RP2: variants seen among roughly 807,000 people sequenced by gnomAD.
The protein encoded by RP2 is protein XRP2.
RP2 carries 3 observed loss-of-function variants against 20.3 expected under a neutral mutation model. The ratio of observed to expected loss-of-function variants is 0.15; its 90% CI spans 0.07 to 0.38. The LOEUF (loss-of-function observed/expected upper bound fraction) is 0.38. Among genes scored for constraint, RP2 ranks in the 10% least tolerant of loss-of-function variants. The pLI, the probability that RP2 is intolerant of heterozygous loss-of-function variation, is 1.00. For missense variants in RP2, 233 were observed against 268.5 expected, an observed-to-expected ratio of 0.87 and a Z score of 0.92; for synonymous variants, 75 against 94.8, an observed-to-expected ratio of 0.79 and a Z score of 1.22.
At chrX:46,872,080 T>A (rs782520388) in intron 3 of RP2, among the ~76,000 whole-genome samples, 2 of 111,979 alleles carry the variant, frequency 1.8e-5, no homozygotes, top group African/African-American at 6.5e-5. Context: ...GTAGCTGGGA[T>A]TACAGGCACA....
intron 1 of RP2, among the ~76,000 whole-genome samples, chrX:46,847,749 T>C (rs1924755882): frequency 1.1e-5 from 1 of 88,935 alleles, no homozygotes; most frequent in African/African-American, 4.5e-5. Context: ...CACATATGTG[T>C]GTGTGTATAT....
intron 2 of RP2, among the ~76,000 whole-genome samples, chrX:46,855,673 G>T (rs992627087): frequency 6.3e-5 from 7 of 110,249 alleles, no homozygotes; most frequent in Non-Finnish European, 1.1e-4. Flanking sequence ...TGCCATGTTG[G>T]TTAGGCTGGT....
intron 2 of RP2, among the ~76,000 whole-genome samples, chrX:46,857,124 T>G (rs782488601): frequency 9.1e-6 from 1 of 110,456 alleles, no homozygotes; most frequent in African/African-American, 3.3e-5. Context: ...ATTGTTTTAA[T>G]GCATTAAATA....
chrX:46,841,659 G>A (rs1924623993), intron 1 of RP2, among the ~76,000 whole-genome samples: 1 of 112,291 alleles, frequency 8.9e-6, no homozygotes, highest in Admixed American at 9.4e-5. Flanking sequence ...GAATTCTTAA[G>A]TCACTTAATT....
In RP2 at chrX:46,877,434, A is replaced by C; in HGVS notation, c.884-71A>C. 3.9e-6 allele frequency: 3 copies of C among 763,018 alleles called. No individual in the cohort carries two copies. In the South Asian group the frequency reaches 6.5e-5, roughly 17 times the overall value. The allele number at this position is 763,018 out of a possible 1,213,427, so 62.9% of individuals were successfully genotyped here. On this transcript the variant is annotated intron_variant, in intron 3 of 4. Transcript: ENST00000218340. ...GAAGATGCTGGAGATTCTTCAGGGAAGAATAAAAAGATTAAATTTAGAATA... is the reference window on the plus strand; with the variant it reads ...GAAGATGCTGGAGATTCTTCAGGGACGAATAAAAAGATTAAATTTAGAATA...
At chrX:46,871,021 CTTTTTTTTTTT>C (rs58549261) in intron 3 of RP2, among the ~76,000 whole-genome samples, 1 of 77,377 alleles carries the variant, frequency 1.3e-5, no homozygotes, top group African/African-American at 5.9e-5. Flanking sequence ...ACGCTCATTC[CTTTTTTTTTTT>C]TTTTTTTTTT....
At chrX:46,857,367 C>G (rs1556319405) in intron 2 of RP2, among the ~76,000 whole-genome samples, 1 of 111,141 alleles carries the variant, frequency 9.0e-6, no homozygotes. Flanking sequence ...CAAGACCAGC[C>G]TGGCCAAGAT....
At chrX:46,849,220 T>G (rs1924816287) in intron 1 of RP2, among the ~76,000 whole-genome samples, 1 of 108,799 alleles carries the variant, frequency 9.2e-6, no homozygotes, top group Non-Finnish European at 1.9e-5. Flanking sequence ...TGTCAGGGTC[T>G]TGCTTTGTCA....
chrX:46,837,898 T>G (rs1258442241), intron 1 of RP2, among the ~76,000 whole-genome samples: 3 of 112,263 alleles, frequency 2.7e-5, no homozygotes, highest in Non-Finnish European at 5.6e-5. Flanking sequence ...TTTAAATGAA[T>G]GAAAACGCCC....
At chrX:46,878,480 CAT>C (rs1925414344) in intron 4 of RP2, among the ~76,000 whole-genome samples, 1 of 110,655 alleles carries the variant, frequency 9.0e-6, no homozygotes, top group African/African-American at 3.3e-5. Flanking sequence ...TAAAACCAAA[CAT>C]AGAGGATTAC....
At position 46,882,190 on chromosome X, in the gene RP2, G is replaced by C. The variant is rs1925481786; in HGVS notation, c.*2421G>C. On this transcript the variant is annotated 3_prime_UTR_variant, in exon 5 of 5. Coordinates refer to ENST00000218340, the MANE Select transcript of RP2 (RefSeq NM_006915.3). ...GAAAAATTATTAACAATGAAAAATTGGTAATTTTATTAAGTTATATGTGTT... is the reference window on the plus strand; with the variant it reads ...GAAAAATTATTAACAATGAAAAATTCGTAATTTTATTAAGTTATATGTGTT... The C allele has an allele frequency of 9.0e-6, 1 of 111,701 alleles. No homozygotes were observed. The highest frequency in any genetic ancestry group is 3.7e-4 in the South Asian group (1 of 2,737). 9.2% of individuals were successfully genotyped at this position (111,701 alleles called of 1,213,427 possible). A position where few individuals can be genotyped will look rare whatever the true frequency, so the allele number is the denominator to read the frequency against.
At chrX:46,845,936 G>A (rs1209859474) in intron 1 of RP2, among the ~76,000 whole-genome samples, 2 of 110,342 alleles carry the variant, frequency 1.8e-5, no homozygotes, top group African/African-American at 6.6e-5. Context: ...CTAATTTTTT[G>A]TATCTTTTTG....
At chrX:46,847,802 A>ATACACACGTGTGTGTG (rs1569531413) in intron 1 of RP2, among the ~76,000 whole-genome samples, 1 of 80,111 alleles carries the variant, frequency 1.2e-5, no homozygotes, top group African/African-American at 5.3e-5. Flanking sequence ...GTGTGTGTAT[A>ATACACACGTGTGTGTG]TATATACACA....
chrX:46,863,099 A>G (rs1296214561), intron 3 of RP2, among the ~76,000 whole-genome samples: 1 of 112,133 alleles, frequency 8.9e-6, no homozygotes, highest in Non-Finnish European at 1.9e-5. Flanking sequence ...CAATGAGTGA[A>G]CCTTGATTGG....
intron 1 of RP2, among the ~76,000 whole-genome samples, chrX:46,840,224 C>T (rs1300670530): frequency 8.9e-6 from 1 of 112,428 alleles, no homozygotes; most frequent in African/African-American, 3.2e-5. Flanking sequence ...AGGTGATCCA[C>T]CTGCCTCAGC....
At chrX:46,861,986 T>C (rs1556320189) in intron 3 of RP2, among the ~76,000 whole-genome samples, 1 of 112,531 alleles carries the variant, frequency 8.9e-6, no homozygotes, top group Non-Finnish European at 1.9e-5. Context: ...AATGCTGGAC[T>C]TTGGAAATCA....
At chrX:46,842,732 CCTTTTGTGA>C (rs1924645683) in intron 1 of RP2, among the ~76,000 whole-genome samples, 1 of 111,670 alleles carries the variant, frequency 9.0e-6, no homozygotes, top group Non-Finnish European at 1.9e-5. Flanking sequence ...CAATATTTAG[CCTTTTGTGA>C]CTGGCATCTT....
intron 1 of RP2, among the ~76,000 whole-genome samples, chrX:46,844,627 C>T (rs1470771086): frequency 2.7e-5 from 3 of 110,855 alleles, no homozygotes; most frequent in Non-Finnish European, 3.8e-5. Context: ...TGAATAGTGC[C>T]GCAATAAACA....
At chrX:46,855,937 G>A (rs1264501972) in intron 2 of RP2, among the ~76,000 whole-genome samples, 1 of 111,574 alleles carries the variant, frequency 9.0e-6, no homozygotes. Context: ...TATATCTGAG[G>A]TATAGTTTTT....
Sources: gnomAD v4.1 joint callset for allele counts (sites outside exome capture counted in the v4.1 genomes callset) on GRCh38, gnomAD v4.1.1 for gene constraint, MANE v1.5 for transcripts, NCBI Gene and HGNC (gene_info 2026-07-23, HGNC 2026-07-21) for gene names.